The following OPRM1 variants were observed in gnomAD, a reference collection of about 807,000 sequenced individuals.
OPRM1 encodes opioid receptor mu 1, also known as mu-type opioid receptor.
Under a neutral mutation model 31.8 loss-of-function variants are expected in OPRM1, and 27 were observed. The ratio of observed to expected loss-of-function variants is 0.85; its 90% CI spans 0.63 to 1.17. The LOEUF is 1.17. Ranked by LOEUF, OPRM1 falls within the 50% of genes most tolerant of loss-of-function variation. The pLI is 0.00. For synonymous variants in OPRM1, 196 were observed against 189.9 expected, an observed-to-expected ratio of 1.03 and a Z score of -0.26; for missense variants, 536 against 511.1, an observed-to-expected ratio of 1.05 and a Z score of -0.47.
At position 154,127,797 on chromosome 6, in the gene OPRM1, G is replaced by A. The variant is rs1797677991; in HGVS notation, c.*9076G>A. Among the ~76,000 whole-genome samples the A allele has an allele frequency of 1.3e-5, 2 of 152,228 alleles. No homozygotes were observed. Among genetic ancestry groups the A allele is most frequent in the Non-Finnish European group, 2.9e-5 (2 of 68,042 alleles). On this transcript the variant is annotated 3_prime_UTR_variant, in exon 4 of 4. Coordinates refer to ENST00000330432, the MANE Select transcript of OPRM1 (RefSeq NM_000914.5). ...CCTAATGCCTGTTCCTGCCTCTGCA[G>A]GGGTTCATTCAGAAAACAGGAAAAT...
At chr6:154,110,133 T>C (rs1336896012) in intron 3 of OPRM1, among the ~76,000 whole-genome samples, 2 of 152,214 alleles carry the variant, frequency 1.3e-5, no homozygotes, top group African/African-American at 2.4e-5. Context: ...TACTTCAGTA[T>C]ACAAAAAGAC....
chr6:154,211,777 T>G (rs1777983738), intron 3 of OPRM1, among the ~76,000 whole-genome samples: 1 of 152,222 alleles, frequency 6.6e-6, no homozygotes, highest in East Asian at 1.9e-4. Context: ...TGCATTATTT[T>G]TCATAGCAAA....
chr6:154,091,985 C>T (rs1792362096), intron 3 of OPRM1: 1 of 972,274 alleles, frequency 1.0e-6, no homozygotes, highest in Admixed American at 6.2e-5. Context: ...TAAAAAATGA[C>T]CATCCCTAAC....
At chr6:154,084,227 A>G (rs1449808161) in intron 1 of OPRM1, among the ~76,000 whole-genome samples, 2 of 152,196 alleles carry the variant, frequency 1.3e-5, no homozygotes, top group Non-Finnish European at 2.9e-5. Flanking sequence ...ATAAATGTAA[A>G]TTAAATGTTT....
chr6:154,020,506 A>T (rs576759679), intron 1 of OPRM1, among the ~76,000 whole-genome samples: 8 of 152,350 alleles, frequency 5.3e-5, no homozygotes, highest in African/African-American at 1.7e-4. Flanking sequence ...TTTAAAAAAA[A>T]TTTTAAAGAC....
At chr6:154,090,294 A>G (rs1210446690) in intron 2 of OPRM1, 116 bp downstream of exon 2, 2 of 685,662 alleles carry the variant, frequency 2.9e-6, no homozygotes, top group Non-Finnish European at 4.9e-6. Context: ...TTGTAATTTT[A>G]ATTATTCTTC....
At chr6:154,060,590 T>A (rs1784203146) in intron 1 of OPRM1, among the ~76,000 whole-genome samples, 1 of 152,124 alleles carries the variant, frequency 6.6e-6, no homozygotes, top group African/African-American at 2.4e-5. Context: ...TAAATGAGAT[T>A]TTTGCTTATT....
chr6:154,142,658 T>G (rs903193438), intron 3 of OPRM1, among the ~76,000 whole-genome samples: 13 of 152,208 alleles, frequency 8.5e-5, no homozygotes, highest in African/African-American at 3.1e-4. Context: ...AAGTGTACTT[T>G]CCTTTCTTTC....
rs1022052756 is a variant in OPRM1 at position 154,125,035 on chromosome 6, T to G, written c.*6314T>G. ...AAGCACAAGCAGCTACATTAGACAG[T>G]TTTACAGCTCTGTATTTCAGGAAAA... On this transcript the variant is annotated 3_prime_UTR_variant, in exon 4 of 4. Coordinates refer to ENST00000330432, the MANE Select transcript of OPRM1 (RefSeq NM_000914.5). Among the ~76,000 whole-genome samples, 1 of 152,036 alleles carries G rather than the reference T, an allele frequency of 6.6e-6. No individual in the cohort carries two copies. Among genetic ancestry groups the G allele is most frequent in the African/African-American group, 2.4e-5 (1 of 41,322 alleles).
In OPRM1 at chr6:154,085,887, C is replaced by CTTTTTTT. The variant is rs1562446297; in HGVS notation, c.291-3939_291-3938insTTTTTTT. ...ACATCAGAACAGAATGAAAGCTTGC[C>CTTTTTTT]CTTTTTTTTTTTTTTTTTGAGACAG... On this transcript the variant is annotated intron_variant, in intron 1 of 3. Transcript: ENST00000330432. Among the ~76,000 whole-genome samples the CTTTTTTT allele has an allele frequency of 1.7e-3, 172 of 100,820 alleles. 2 individuals are homozygous for CTTTTTTT. Among genetic ancestry groups the CTTTTTTT allele is most frequent in the African/African-American group, 7.8e-3 (159 of 20,312 alleles). The allele number at this position is 100,820 out of a possible 152,430, so 66.1% of individuals were successfully genotyped here.
chr6:154,106,990 A>G (rs1439135632), intron 3 of OPRM1, among the ~76,000 whole-genome samples: 2 of 152,206 alleles, frequency 1.3e-5, no homozygotes, highest in Non-Finnish European at 2.9e-5. Context: ...GGCATAAAAT[A>G]TTCTATTTTT....
At chr6:154,141,103 T>C (rs1165758216) in intron 3 of OPRM1, among the ~76,000 whole-genome samples, 1 of 152,216 alleles carries the variant, frequency 6.6e-6, no homozygotes, top group Non-Finnish European at 1.5e-5. Context: ...TGACTGTTAT[T>C]GGATGCAATA....
chr6:154,134,947 G>T (rs1385025948), downstream of OPRM1, among the ~76,000 whole-genome samples: 1 of 152,166 alleles, frequency 6.6e-6, no homozygotes, highest in Admixed American at 6.5e-5. Context: ...GGGAAGAGAA[G>T]ATCTCAGAAC....
chr6:154,201,523 C>A (rs941478378), intron 3 of OPRM1, among the ~76,000 whole-genome samples: 8 of 152,124 alleles, frequency 5.3e-5, no homozygotes, highest in African/African-American at 1.7e-4. Context: ...CAACAGCAGA[C>A]AAGGTAGAGA....
At chr6:154,036,684 A>T (rs1779316380), upstream of OPRM1, among the ~76,000 whole-genome samples, 1 of 151,764 alleles carries the variant, frequency 6.6e-6, no homozygotes, top group South Asian at 2.1e-4. Context: ...TCCCATAAAG[A>T]TGTTTTATTT....
chr6:154,232,969 CTTTT>C (rs780567029), intron 3 of OPRM1, among the ~76,000 whole-genome samples: 1 of 134,610 alleles, frequency 7.4e-6, no homozygotes, highest in Non-Finnish European at 1.6e-5. Context: ...TTTTTCTTTT[CTTTT>C]TTTTTTTTTT....
chr6:154,052,550 CT>C (rs1294307160), intron 1 of OPRM1, among the ~76,000 whole-genome samples: 1 of 152,106 alleles, frequency 6.6e-6, no homozygotes, highest in Non-Finnish European at 1.5e-5. Context: ...CATTATTTTT[CT>C]TTTGATTTCT....
intron 3 of OPRM1, among the ~76,000 whole-genome samples, chr6:154,144,848 A>T (rs1254597772): frequency 6.6e-6 from 1 of 151,956 alleles, no homozygotes; most frequent in Non-Finnish European, 1.5e-5. Flanking sequence ...AAATCAAGAA[A>T]CTCACCATAT....
At chr6:154,091,800 T>C in intron 3 of OPRM1, 2 of 1,038,532 alleles carry the variant, frequency 1.9e-6, no homozygotes, top group Non-Finnish European at 2.3e-6. Flanking sequence ...TCCTTTTCAT[T>C]TTCCCCAGAA....
Sources: allele counts gnomAD v4.1 joint callset (sites outside exome capture counted in the v4.1 genomes callset), GRCh38; gene constraint gnomAD v4.1.1; transcripts MANE v1.5; gene names NCBI Gene and HGNC (gene_info 2026-07-23, HGNC 2026-07-21).